Variants in PFKFB4 observed in about 807,000 individuals in gnomAD.
The protein encoded by PFKFB4 is 6-phosphofructo-2-kinase/fructose-2,6-bisphosphatase 4.
In PFKFB4, 42 loss-of-function variants were observed where a neutral mutation model predicts 62.8. The observed-to-expected ratio is 0.67, with a 90% CI of 0.52 to 0.86. PFKFB4 has a LOEUF of 0.86. PFKFB4 is among the 40% of genes least tolerant of loss of function. PFKFB4 has a pLI of 0.00. For missense variants in PFKFB4, 475 were observed against 627.2 expected, an observed-to-expected ratio of 0.76 and a Z score of 2.59; for synonymous variants, 204 against 240.7, an observed-to-expected ratio of 0.85 and a Z score of 1.41.
At chr3:48,559,551 C>T (rs956855512), upstream of PFKFB4, 3 of 457,030 alleles carry the variant, frequency 6.6e-6, no homozygotes, top group African/African-American at 6.0e-5. Flanking sequence ...AGATGCTGTC[C>T]CAGCGTCTGC....
At chr3:48,519,846 A>ATCTCATCTATTCCTGCC in intron 13 of PFKFB4, 40 bp from the exon 14 acceptor site, 1 of 1,500,866 alleles carries the variant, frequency 6.7e-7, no homozygotes, top group Non-Finnish European at 9.3e-7. Context: ...CCATGGCAGG[A>ATCTCATCTATTCCTGCC]ATAGATGAGA....
chr3:48,561,295 A>C, upstream of PFKFB4: 1 of 269,400 alleles, frequency 3.7e-6, no homozygotes, highest in South Asian at 2.9e-5. The surrounding 1 kb of genome is among the most constrained non-coding windows in gnomAD (Gnocchi z 5.2). Flanking sequence ...CAGTGCCCCC[A>C]CTCCAGTCAG....
rs533491905 is a variant in PFKFB4 at position 48,517,851 on chromosome 3, G to A, written c.*1896C>T. The stretch of plus-strand genomic sequence containing the variant: ...CAATCAGCTACACCTCAGCCCATGC[G>A]GAGACCATGCCAGGGCAGAGGCCGG... On this transcript the variant is annotated 3_prime_UTR_variant, in exon 14 of 14. Coordinates refer to ENST00000232375, the MANE Select transcript of PFKFB4 (RefSeq NM_004567.4). 2.6e-5 allele frequency: 4 copies of A among 152,688 alleles called. No homozygotes were observed. Among genetic ancestry groups the A allele is most frequent in the Non-Finnish European group, 5.9e-5 (4 of 68,084 alleles). 9.5% of individuals were successfully genotyped at this position (152,688 alleles called of 1,614,324 possible). A position where few individuals can be genotyped will look rare whatever the true frequency, so the allele number is the denominator to read the frequency against.
upstream of PFKFB4, chr3:48,557,086 C>T: frequency 3.8e-6 from 3 of 784,634 alleles, no homozygotes; most frequent in Middle Eastern, 4.6e-4. Context: ...GTTCAAGGCC[C>T]GGATTGTGCA....
chr3:48,529,485 G>A (rs562061881), intron 9 of PFKFB4, among the ~76,000 whole-genome samples: 2 of 152,120 alleles, frequency 1.3e-5, no homozygotes, highest in Non-Finnish European at 2.9e-5. Flanking sequence ...GAAAAAAACT[G>A]GGGTGGCTGC....
At chr3:48,561,121 A>G, upstream of PFKFB4, 1 of 1,282,540 alleles carries the variant, frequency 7.8e-7, no homozygotes, top group South Asian at 1.3e-5. The surrounding 1 kb of genome is among the most constrained non-coding windows in gnomAD (Gnocchi z 5.2). Context: ...TCCATCCTGC[A>G]ACCAAACTGG....
chr3:48,553,095 C>T (rs1031329119), intron 1 of PFKFB4, among the ~76,000 whole-genome samples: 6 of 152,198 alleles, frequency 3.9e-5, no homozygotes, highest in African/African-American at 9.7e-5. Context: ...AAACAGAGCA[C>T]GTGGACTAAG....
chr3:48,557,653 C>G (rs1258657335), upstream of PFKFB4, among the ~76,000 whole-genome samples: 1 of 152,134 alleles, frequency 6.6e-6, no homozygotes, highest in Non-Finnish European at 1.5e-5. Flanking sequence ...GCTCCTGCCT[C>G]GGGTTCCCAA....
chr3:48,525,736 G>A, intron 9 of PFKFB4, 67 bp from the exon 10 acceptor site: 1 of 797,738 alleles, frequency 1.3e-6, no homozygotes, highest in South Asian at 1.8e-5. Context: ...GACATGTGGG[G>A]TGAGGCAGCA....
chr3:48,534,671 G>GA lies in PFKFB4; in HGVS notation c.987+840dup, dbSNP rs778682381. On this transcript the variant is annotated intron_variant, in intron 9 of 13. Coordinates refer to ENST00000232375, the MANE Select transcript of PFKFB4 (RefSeq NM_004567.4). Reference sequence around the variant, plus strand: ...GGGTGACAGAGTAAGATCTTGTCTTGAAAAAAAAAAAAAAAAGAAGAAAAG... The same window carrying GA: ...GGGTGACAGAGTAAGATCTTGTCTTGAAAAAAAAAAAAAAAAAGAAGAAAAG... Among the ~76,000 whole-genome samples the GA allele has an allele frequency of 4.9e-3, 443 of 90,262 alleles. 3 individuals are homozygous for GA. The highest frequency in any genetic ancestry group is 8.1e-3 in the South Asian group (22 of 2,724). 59.2% of individuals were successfully genotyped at this position (90,262 alleles called of 152,430 possible).
chr3:48,519,253 G>A lies in PFKFB4; in HGVS notation c.*494C>T, dbSNP rs1560145685. 1 of 153,262 alleles carries A rather than the reference G, an allele frequency of 6.5e-6. No individual in the cohort carries two copies. Among genetic ancestry groups the A allele is most frequent in the Non-Finnish European group, 1.5e-5 (1 of 68,706 alleles). 9.5% of individuals were successfully genotyped at this position (153,262 alleles called of 1,614,324 possible). A position where few individuals can be genotyped will look rare whatever the true frequency, so the allele number is the denominator to read the frequency against. Reference sequence around the variant, plus strand: ...GGGAAGGGCTCTCCCTCTCACCAGAGGCAGCAGAAGCTCAGGGCCCCATGA... The same window carrying A: ...GGGAAGGGCTCTCCCTCTCACCAGAAGCAGCAGAAGCTCAGGGCCCCATGA... On this transcript the variant is annotated 3_prime_UTR_variant, in exon 14 of 14. Coordinates refer to ENST00000232375, the MANE Select transcript of PFKFB4 (RefSeq NM_004567.4).
Position 48,556,784 on chromosome 3 carries a change from G to A in PFKFB4, c.-7C>T, listed in dbSNP as rs1263559753. The stretch of plus-strand genomic sequence containing the variant: ...ATTCCCGTGGGGACGCCATCCCGGG[G>A]CCGGGATGAGTCGGACTGCGCCGCT... On this transcript the variant is annotated 5_prime_UTR_variant, in exon 1 of 14. Coordinates refer to ENST00000232375, the MANE Select transcript of PFKFB4 (RefSeq NM_004567.4). This position sits in a 1 kb window ranked among gnomAD's most constrained non-coding sequence, Gnocchi z 5.7. 1.9e-6 allele frequency: 3 copies of A among 1,599,132 alleles called. No individual in the cohort carries two copies. The highest frequency in any genetic ancestry group is 2.6e-6 in the Non-Finnish European group (3 of 1,173,222).
chr3:48,525,889 T>A (rs930606467), intron 9 of PFKFB4: 1 of 373,132 alleles, frequency 2.7e-6, no homozygotes, highest in Non-Finnish European at 4.9e-6. Context: ...TGTCCACCTA[T>A]CCATCACCCA....
At chr3:48,551,522 T>C (rs1482698989) in intron 1 of PFKFB4, among the ~76,000 whole-genome samples, 3 of 27,572 alleles carry the variant, frequency 1.1e-4, no homozygotes, top group Non-Finnish European at 1.5e-4. Flanking sequence ...CAGCCTTCTT[T>C]TTTTTTTTTT....
chr3:48,558,770 A>G (rs1350480581), upstream of PFKFB4, among the ~76,000 whole-genome samples: 2 of 152,140 alleles, frequency 1.3e-5, no homozygotes, highest in Non-Finnish European at 2.9e-5. Context: ...CCCCAGTCCC[A>G]GCAGATCTGA....
chr3:48,556,972 G>A, upstream of PFKFB4: 1 of 1,391,120 alleles, frequency 7.2e-7, no homozygotes, highest in Non-Finnish European at 9.3e-7. This position sits in a 1 kb window ranked among gnomAD's most constrained non-coding sequence, Gnocchi z 5.7. Flanking sequence ...GACCACGCAT[G>A]CCCAACTCAC....
chr3:48,539,804 G>C (rs1217691591), intron 4 of PFKFB4, 33 bp from the exon 5 acceptor site: 1 of 1,587,036 alleles, frequency 6.3e-7, no homozygotes, highest in Non-Finnish European at 8.7e-7. Flanking sequence ...TCAGCCTCTG[G>C]CCCTGGGGAA....
intron 9 of PFKFB4, among the ~76,000 whole-genome samples, chr3:48,527,283 G>GTTTT (rs1181191209): frequency 7.4e-6 from 1 of 135,682 alleles, no homozygotes; most frequent in Non-Finnish European, 1.6e-5. Flanking sequence ...ACATTTAGTG[G>GTTTT]TTTTTTTTTT....
At position 48,550,180 on chromosome 3, in the gene PFKFB4, C is replaced by A. The variant is rs760774056; in HGVS notation, c.152G>T (p.Gly51Val). Reference sequence around the variant, plus strand: ...CAGCTTCTTGGAGATGTAGGTCTTGCCCCTGGCGGGCAGGCCCACCATGAC... The same window carrying A: ...CAGCTTCTTGGAGATGTAGGTCTTGACCCTGGCGGGCAGGCCCACCATGAC... ...LIVMVGLPARGKTYISKKLTR... is the reference protein window; with the variant it reads ...LIVMVGLPARVKTYISKKLTR... Residue 51 changes from glycine (G) to valine (V), a missense_variant, in exon 2 of 14, where the codon GGC becomes GTC. Physicochemically the swap from Gly to Val is moderately radical, Grantham distance 109. Coordinates refer to ENST00000232375, the MANE Select transcript of PFKFB4 (RefSeq NM_004567.4). The A allele has an allele frequency of 1.9e-6, 3 of 1,614,182 alleles. No individual in the cohort carries two copies. In the Admixed American group the frequency reaches 5.0e-5, roughly 27 times the overall value.
Sources: allele counts gnomAD v4.1 joint callset (sites outside exome capture counted in the v4.1 genomes callset), GRCh38; gene constraint gnomAD v4.1.1; non-coding constraint Gnocchi (gnomAD v3.1); transcripts MANE v1.5; gene names NCBI Gene and HGNC (gene_info 2026-07-23, HGNC 2026-07-21).